The following DNM2 variants were observed in gnomAD, a reference collection of about 807,000 sequenced individuals.
DNM2 encodes dynamin-2.
Under a neutral mutation model 99.0 loss-of-function variants are expected in DNM2, and 15 were observed. The observed-to-expected ratio is 0.15, with a 90% confidence interval of 0.10 to 0.23. The LOEUF is 0.23. Among genes scored for constraint, DNM2 ranks in the 10% least tolerant of loss-of-function variants. The probability of loss-of-function intolerance (pLI) is 1.00; values close to 1 mark genes in which losing one functional copy is unlikely to be tolerated. For synonymous variants in DNM2, 525 were observed against 481.2 expected, an observed-to-expected ratio of 1.09 and a Z score of -1.19; for missense variants, 742 against 1,189.4, an observed-to-expected ratio of 0.62 and a Z score of 5.53.
chr19:10,751,321 G>A (rs530332875), intron 1 of DNM2, among the ~76,000 whole-genome samples: 4 of 152,146 alleles, frequency 2.6e-5, no homozygotes, highest in African/African-American at 9.7e-5. Context: ...GGCAGCCTGG[G>A]TGCACAGAGG....
intron 5 of DNM2, among the ~76,000 whole-genome samples, chr19:10,779,496 TTCTTTC>T (rs1424665106): frequency 2.3e-4 from 27 of 118,272 alleles, no homozygotes; most frequent in African/African-American, 8.6e-4. Context: ...CTTTCTTTCT[TTCTTTC>T]TTTTTTTTTT....
At position 10,802,243 on chromosome 19, in the gene DNM2, G is replaced by T. The variant is rs745805324; in HGVS notation, c.1423-45G>T. 19 of 1,608,500 alleles carry T rather than the reference G, an allele frequency of 1.2e-5. No homozygotes were observed. In the South Asian group the frequency reaches 1.3e-4, roughly 11 times the overall value. ...AATGCTCTTGCCGCTGCCCCCCCTT[G>T]CCAGGCTTGGCCTTGTACTCACAGT... On this transcript the variant is annotated intron_variant, in intron 11 of 20. Transcript: ENST00000389253.
At position 10,812,250 on chromosome 19, in the gene DNM2, G is replaced by C. The variant is rs971487717; in HGVS notation, c.1558-14G>C. 1 of 1,580,616 alleles carries C rather than the reference G, an allele frequency of 6.3e-7. No individual in the cohort carries two copies. Among genetic ancestry groups the C allele is most frequent in the Non-Finnish European group, 8.6e-7 (1 of 1,163,046 alleles). On this transcript the variant is annotated splice_polypyrimidine_tract_variant and intron_variant, in intron 14 of 20. Transcript: ENST00000389253. This position sits in a 1 kb window ranked among gnomAD's most constrained non-coding sequence, Gnocchi z 4.0. ...GGAGCGAGGTTCCCTGCTAAGCTGCGCGCTTTCCCCCAGGTGATCCGCAGG... is the reference window on the plus strand; with the variant it reads ...GGAGCGAGGTTCCCTGCTAAGCTGCCCGCTTTCCCCCAGGTGATCCGCAGG...
At chr19:10,823,748 A>G in intron 16 of DNM2, 40 bp from the exon 17 acceptor site, 1 of 1,581,410 alleles carries the variant, frequency 6.3e-7, no homozygotes, top group Non-Finnish European at 8.7e-7. Flanking sequence ...GACCCATGGC[A>G]GGGTCAAGCT....
intron 1 of DNM2, among the ~76,000 whole-genome samples, chr19:10,753,240 G>A (rs766373604): frequency 2.0e-5 from 3 of 152,176 alleles, no homozygotes; most frequent in Admixed American, 6.6e-5. Context: ...TCAGTAATGC[G>A]TGTGTATGAT....
chr19:10,787,708 T>A (rs1414789960), intron 7 of DNM2, among the ~76,000 whole-genome samples: 2 of 142,612 alleles, frequency 1.4e-5, no homozygotes, highest in African/African-American at 5.3e-5. Context: ...TGAGCTGAGA[T>A]CACGCCACTG....
intron 7 of DNM2, among the ~76,000 whole-genome samples, chr19:10,787,924 G>A (rs1045255991): frequency 2.0e-5 from 3 of 151,422 alleles, no homozygotes; most frequent in Non-Finnish European, 2.9e-5. Flanking sequence ...GCAAGACTCC[G>A]TCTCCAAAAA....
intron 1 of DNM2, among the ~76,000 whole-genome samples, chr19:10,724,096 A>AAAGGAGAAAAATGGTTG (rs1555696972): frequency 6.6e-6 from 1 of 150,948 alleles, no homozygotes. Flanking sequence ...AAAAAAAAAA[A>AAAGGAGAAAAATGGTTG]AAGGCGATAA....
Position 10,798,273 on chromosome 19 carries a change from C to T in DNM2, c.1336-213C>T, listed in dbSNP as rs561813630. The stretch of plus-strand genomic sequence containing the variant: ...CCGGTCACTGGCTGGAAAAGCAGCT[C>T]TGCTCTCCTGCTGTCTCCGGTCCAC... On this transcript the variant is annotated intron_variant, in intron 10 of 20. Transcript: ENST00000389253. 1.7e-4 allele frequency: 101 copies of T among 590,046 alleles called. 1 individual carries two copies. The highest frequency in any genetic ancestry group is 1.6e-3 in the African/African-American group (88 of 53,698). 36.6% of individuals were successfully genotyped at this position (590,046 alleles called of 1,614,324 possible).
At chr19:10,745,598 G>A (rs943497639) in intron 1 of DNM2, among the ~76,000 whole-genome samples, 1 of 152,296 alleles carries the variant, frequency 6.6e-6, no homozygotes, top group East Asian at 1.9e-4. Context: ...TCAGGAGGCT[G>A]AGGGAGGAGG....
In DNM2 at chr19:10,796,312, T is replaced by C; in HGVS notation, c.1196+873T>C. On this transcript the variant is annotated intron_variant, in intron 9 of 20. Coordinates refer to ENST00000389253, the MANE Select transcript of DNM2 (RefSeq NM_001005361.3). This position sits in a 1 kb window ranked among gnomAD's most constrained non-coding sequence, Gnocchi z 5.6. ...CCCACTGGTGCCTTTTCTCCCCATA[T>C]CGCTTTGTGTCCGTGAACTTGGCCT... is the stretch of plus-strand genomic sequence containing the variant. 1 of 1,508,446 alleles carries C rather than the reference T, an allele frequency of 6.6e-7. No individual in the cohort carries two copies. Among genetic ancestry groups the C allele is most frequent in the East Asian group, 2.3e-5 (1 of 44,186 alleles). The allele number at this position is 1,508,446 out of a possible 1,614,324, so 93.4% of individuals were successfully genotyped here.
intron 18 of DNM2, among the ~76,000 whole-genome samples, chr19:10,825,673 A>G (rs1339868544): frequency 1.3e-5 from 2 of 148,936 alleles, no homozygotes; most frequent in East Asian, 4.4e-4. Flanking sequence ...CGTCTCAAGA[A>G]AAGAGAGAGA....
chr19:10,746,347 T>TG (rs1346185726), intron 1 of DNM2, among the ~76,000 whole-genome samples: 2 of 139,178 alleles, frequency 1.4e-5, no homozygotes, highest in African/African-American at 2.7e-5. Flanking sequence ...GACAGGGCCA[T>TG]GGGGGGCACT....
Position 10,823,913 on chromosome 19 carries a change from C to A in DNM2, c.1893+14C>A, listed in dbSNP as rs2073062600. 2 of 1,611,960 alleles carry A rather than the reference C, an allele frequency of 1.2e-6. No individual in the cohort carries two copies. The highest frequency in any genetic ancestry group is 8.5e-7 in the Non-Finnish European group (1 of 1,179,568). On this transcript the variant is annotated intron_variant, in intron 17 of 20. Transcript: ENST00000389253. Reference sequence around the variant, plus strand: ...GAGAAGGACCAGGTGAGGAGCCGTCCTGCGCAGCCAGGCCCAGAGCCCCCA... The same window carrying A: ...GAGAAGGACCAGGTGAGGAGCCGTCATGCGCAGCCAGGCCCAGAGCCCCCA...
At chr19:10,776,037 A>G (rs1480835881) in intron 4 of DNM2, 131 bp downstream of exon 4, 2 of 1,171,338 alleles carry the variant, frequency 1.7e-6, no homozygotes, top group Admixed American at 4.0e-5. Flanking sequence ...CTCCTGGAAC[A>G]TGGCACTTCC....
intron 3 of DNM2, among the ~76,000 whole-genome samples, chr19:10,773,110 G>T (rs2071035283): frequency 6.7e-6 from 1 of 149,474 alleles, no homozygotes; most frequent in Non-Finnish European, 1.5e-5. Flanking sequence ...CGCCCAAGTA[G>T]CTGGGATTAC....
At chr19:10,813,282 A>T (rs1233707338) in intron 15 of DNM2, among the ~76,000 whole-genome samples, 3 of 152,158 alleles carry the variant, frequency 2.0e-5, no homozygotes, top group Non-Finnish European at 4.4e-5. Context: ...ACTGCGAGTG[A>T]GGGGGCAGGC....
At chr19:10,804,093 G>T in intron 12 of DNM2, among the ~76,000 whole-genome samples, 1 of 152,240 alleles carries the variant, frequency 6.6e-6, no homozygotes, top group South Asian at 2.1e-4. Context: ...AGGCCCCATC[G>T]CCAGGAGGGC....
At chr19:10,718,498 G>A in intron 1 of DNM2, 95 bp downstream of exon 1, 1 of 1,262,792 alleles carries the variant, frequency 7.9e-7, no homozygotes, top group Non-Finnish European at 9.9e-7. Context: ...GCGTAACTGC[G>A]GCGCTTGCGT....
Sources: allele counts gnomAD v4.1 joint callset (sites outside exome capture counted in the v4.1 genomes callset), GRCh38; gene constraint gnomAD v4.1.1; non-coding constraint Gnocchi (gnomAD v3.1); transcripts MANE v1.5; gene names NCBI Gene and HGNC (gene_info 2026-07-23, HGNC 2026-07-21).